The following SLC25A30 variants were observed in gnomAD, a reference collection of about 807,000 sequenced individuals.
SLC25A30 encodes solute carrier family 25 member 30.
SLC25A30 carries 29 observed loss-of-function variants against 42.7 expected under a neutral mutation model. The ratio of observed to expected loss-of-function variants is 0.68; its 90% CI spans 0.51 to 0.93. SLC25A30 has a LOEUF of 0.93. SLC25A30 is among the 40% of genes least tolerant of loss of function. SLC25A30 has a pLI of 0.00. For missense variants in SLC25A30, 300 were observed against 359.7 expected (o/e 0.83, Z 1.34); for synonymous variants, 124 against 131.0 (o/e 0.95, Z 0.37).
the SLC25A30 span, among the ~76,000 whole-genome samples, chr13:45,426,097 TA>T: frequency 4.0e-3 from 598 of 150,508 alleles, 5 homozygotes; most frequent in African/African-American, 0.014. Flanking sequence ...TAAATGTATA[TA>T]TTTTTTTGAG....
intron 9 of SLC25A30, chr13:45,396,301 A>T (rs963864615): frequency 1.6e-6 from 2 of 1,286,414 alleles, no homozygotes; most frequent in African/African-American, 1.5e-5. Context: ...TGGTGGAAAA[A>T]CTTTCCAGCA....
chr13:45,419,539 G>A (rs1292437588), upstream of SLC25A30, among the ~76,000 whole-genome samples: 7 of 150,724 alleles, frequency 4.6e-5, no homozygotes, highest in African/African-American at 1.5e-4. Context: ...GGCTGGTCTC[G>A]AACTCCCGAC....
chr13:45,424,477 A>G, the SLC25A30 span, among the ~76,000 whole-genome samples: 4 of 63,810 alleles, frequency 6.3e-5, no homozygotes, highest in African/African-American at 2.6e-4. Context: ...ATATATAAAT[A>G]TATGTATATA....
chr13:45,399,693 A>G (rs1881729552), intron 7 of SLC25A30, among the ~76,000 whole-genome samples: 2 of 152,196 alleles, frequency 1.3e-5, no homozygotes, highest in African/African-American at 2.4e-5. Flanking sequence ...AAATCCTCCA[A>G]GGATGATCTT....
rs771797762 is a variant in SLC25A30, at chr13:45,404,314, T to C, written c.393+13A>G. On this transcript the variant is annotated intron_variant, in intron 5 of 9. Coordinates refer to ENST00000519676, the MANE Select transcript of SLC25A30 (RefSeq NM_001010875.4). ...GTGGAATGTGCCTATAAGATATAGA[T>C]AGCACAGCTTACTTTCAAAACATCA... 1.3e-6 allele frequency: 2 copies of C among 1,585,722 alleles called. No individual in the cohort carries two copies. The highest frequency in any genetic ancestry group is 1.3e-5 in the African/African-American group (1 of 74,456).
upstream of SLC25A30, among the ~76,000 whole-genome samples, chr13:45,419,494 T>C (rs1883818765): frequency 6.7e-6 from 1 of 150,082 alleles, no homozygotes; most frequent in African/African-American, 2.4e-5. Flanking sequence ...AATTGTTGTA[T>C]TTTTAGTAGA....
chr13:45,393,435 CTT>C lies in SLC25A30; in HGVS notation c.*2537_*2538del. 1 of 983,610 alleles carries C rather than the reference CTT, an allele frequency of 1.0e-6. No homozygotes were observed. The highest frequency in any genetic ancestry group is 1.2e-6 in the Non-Finnish European group (1 of 828,338). The allele number at this position is 983,610 out of a possible 1,614,324, so 60.9% of individuals were successfully genotyped here. A position where few individuals can be genotyped will look rare whatever the true frequency, so the allele number is the denominator to read the frequency against. On this transcript the variant is annotated 3_prime_UTR_variant, in exon 10 of 10. Transcript: ENST00000519676. ...TAAAGGCTTATGAAAACTTCATACT[CTT>C]TATATAATGCATACTATTTCTAGCA...
At chr13:45,418,939 TCAAAAAAAAAAAAAAAAAAAAAAAA>T (rs1227466959), upstream of SLC25A30, among the ~76,000 whole-genome samples, 2 of 27,312 alleles carry the variant, frequency 7.3e-5, no homozygotes, top group East Asian at 1.8e-3. Context: ...AGACTTCGTC[TCAAAAAAAAAAAAAAAAAAAAAAAA>T]AAAAAAAAAA....
At chr13:45,421,185 C>A (rs1408901787), upstream of SLC25A30, among the ~76,000 whole-genome samples, 2 of 151,906 alleles carry the variant, frequency 1.3e-5, no homozygotes, top group Non-Finnish European at 2.9e-5. Context: ...ACAAGACTAG[C>A]CTGGCCAACA....
At chr13:45,424,433 A>G in the SLC25A30 span, among the ~76,000 whole-genome samples, 1 of 66,770 alleles carries the variant, frequency 1.5e-5, no homozygotes, top group Non-Finnish European at 2.7e-5. Flanking sequence ...ATGAATATAT[A>G]TATAAATATA....
chr13:45,413,936 CA>C (rs1263939148), intron 1 of SLC25A30, among the ~76,000 whole-genome samples: 1 of 152,166 alleles, frequency 6.6e-6, no homozygotes, highest in East Asian at 1.9e-4. Flanking sequence ...GGTTAAAATC[CA>C]GAGGCTCTGG....
At chr13:45,400,035 C>T (rs56331889) in intron 7 of SLC25A30, among the ~76,000 whole-genome samples, 50,920 of 103,866 alleles carry the variant, frequency 0.49, 13,018 homozygotes, top group African/African-American at 0.6. Context: ...TATATATATA[C>T]ACACACACAC....
chr13:45,431,686 C>G, the SLC25A30 span, among the ~76,000 whole-genome samples: 47,318 of 151,844 alleles, frequency 0.31, 8,853 homozygotes, highest in Non-Finnish European at 0.43. Context: ...ACCCAGCCAA[C>G]GATTGCACAC....
At chr13:45,401,669 A>T (rs9526067) in intron 6 of SLC25A30, among the ~76,000 whole-genome samples, 47,539 of 147,660 alleles carry the variant, frequency 0.32, 7,687 homozygotes, top group Non-Finnish European at 0.37. Context: ...ATAAGAATTT[A>T]AAAAAAAAAA....
rs992432666 is a variant in SLC25A30, at chr13:45,395,599, C to T, written c.*375G>A. 6 of 1,128,968 alleles carry T rather than the reference C, an allele frequency of 5.3e-6. No individual in the cohort carries two copies. In the African/African-American group the frequency reaches 9.9e-5, roughly 19 times the overall value. The allele number at this position is 1,128,968 out of a possible 1,614,324, so 69.9% of individuals were successfully genotyped here. A position where few individuals can be genotyped will look rare whatever the true frequency, so the allele number is the denominator to read the frequency against. On this transcript the variant is annotated 3_prime_UTR_variant, in exon 10 of 10. Transcript: ENST00000519676. ...CATTCCATGGTTCCAGTGAGCTTTTCTAGAGCAGTCTGATTCTCAGTCATG... is the reference window on the plus strand; with the variant it reads ...CATTCCATGGTTCCAGTGAGCTTTTTTAGAGCAGTCTGATTCTCAGTCATG...
chr13:45,422,648 G>A (rs993331681), upstream of SLC25A30, among the ~76,000 whole-genome samples: 3 of 152,130 alleles, frequency 2.0e-5, no homozygotes, highest in Non-Finnish European at 4.4e-5. Context: ...CAATGCCCAG[G>A]AAGGTGGCAA....
intron 6 of SLC25A30, among the ~76,000 whole-genome samples, chr13:45,401,557 C>T (rs1301808668): frequency 6.6e-6 from 1 of 151,940 alleles, no homozygotes; most frequent in Non-Finnish European, 1.5e-5. Flanking sequence ...GGAAATAACA[C>T]TCTACACCAC....
At chr13:45,416,522 C>T (rs781440029) in intron 1 of SLC25A30, among the ~76,000 whole-genome samples, 1 of 151,982 alleles carries the variant, frequency 6.6e-6, no homozygotes, top group Non-Finnish European at 1.5e-5. Flanking sequence ...ATCCCAGCTA[C>T]TTGGGAGGCT....
intron 1 of SLC25A30, among the ~76,000 whole-genome samples, chr13:45,414,471 G>A (rs1211395325): frequency 1.3e-5 from 2 of 152,098 alleles, no homozygotes; most frequent in South Asian, 2.1e-4. Context: ...ACAAAACTCA[G>A]CCAGGCATGG....
Sources: allele counts gnomAD v4.1 joint callset (sites outside exome capture counted in the v4.1 genomes callset), GRCh38; gene constraint gnomAD v4.1.1; transcripts MANE v1.5; gene names NCBI Gene and HGNC (gene_info 2026-07-23, HGNC 2026-07-21).